Variants in VPS13B observed in about 807,000 individuals in gnomAD.
VPS13B encodes vacuolar protein sorting 13 homolog B.
A neutral mutation model predicts 426.4 loss-of-function variants in VPS13B; 285 were observed. The ratio of observed to expected loss-of-function variants is 0.67; its 90% CI spans 0.61 to 0.74. VPS13B has a LOEUF of 0.74. VPS13B is among the 30% of genes least tolerant of loss of function. The pLI, the probability that VPS13B is intolerant of heterozygous loss-of-function variation, is 0.00. For synonymous variants in VPS13B, 1,676 were observed against 1,676.4 expected (o/e 1.00, Z 0.01); for missense variants, 4,537 against 4,782.6 (o/e 0.95, Z 1.51).
At chr8:99,056,748 T>G (rs1170667833) in intron 3 of VPS13B, among the ~76,000 whole-genome samples, 6 of 152,164 alleles carry the variant, frequency 3.9e-5, no homozygotes. Context: ...AGGGTCATCC[T>G]TAGTTTTGGT....
rs137873654 is a variant in VPS13B, at chr8:99,205,892, ATAGAG to A, written c.2515+12838_2515+12842del. On this transcript the variant is annotated intron_variant, in intron 17 of 61. Coordinates refer to ENST00000357162, the MANE Select transcript of VPS13B (RefSeq NM_152564.5). ...CTATCTCTGGTAAATGAGATCAGAA[ATAGAG>A]TAAAGTGTGTTACTTCATTAGAAAA... Among the ~76,000 whole-genome samples, 466 of 152,372 alleles carry A rather than the reference ATAGAG, an allele frequency of 3.1e-3. 18 individuals are homozygous for A. The East Asian group carries it at 0.074, about 24-fold the overall frequency.
intron 8 of VPS13B, 72 bp from the exon 9 acceptor site, chr8:99,134,556 CAATT>C (rs1588074816): frequency 8.2e-7 from 1 of 1,223,608 alleles, no homozygotes; most frequent in East Asian, 2.5e-5. Flanking sequence ...TTGTTTTAAT[CAATT>C]AATCATCATA....
chr8:99,033,135 G>A (rs1407767775), intron 2 of VPS13B, among the ~76,000 whole-genome samples: 6 of 152,076 alleles, frequency 3.9e-5, no homozygotes, highest in African/African-American at 9.7e-5. Context: ...TACCTGTATC[G>A]TTTTGTTGTG....
chr8:99,871,434 C>G lies in VPS13B; in HGVS notation c.11496-14C>G. Reference sequence around the variant, plus strand: ...ACAGCTGGCCCCTGGCCTCACTTTTCTCCTTTTAAACAGGAAAATGCTTCA... The same window carrying G: ...ACAGCTGGCCCCTGGCCTCACTTTTGTCCTTTTAAACAGGAAAATGCTTCA... On this transcript the variant is annotated splice_polypyrimidine_tract_variant and intron_variant, in intron 60 of 61. Coordinates refer to ENST00000357162, the MANE Select transcript of VPS13B (RefSeq NM_152564.5). The G allele has an allele frequency of 1.2e-6, 2 of 1,614,124 alleles. No homozygotes were observed. The highest frequency in any genetic ancestry group is 1.7e-6 in the Non-Finnish European group (2 of 1,180,032).
intron 17 of VPS13B, chr8:99,233,471 G>T: frequency 7.4e-7 from 1 of 1,347,546 alleles, no homozygotes; most frequent in Non-Finnish European, 1.1e-6. Context: ...GCCTGGGTTG[G>T]GATGAAGAGA....
At chr8:99,382,617 T>C (rs1465197311) in intron 19 of VPS13B, among the ~76,000 whole-genome samples, 1 of 152,192 alleles carries the variant, frequency 6.6e-6, no homozygotes, top group Non-Finnish European at 1.5e-5. Flanking sequence ...GGCTCTCAAC[T>C]TGACAGTTGT....
chr8:99,550,673 C>G (rs1824234320), intron 30 of VPS13B, among the ~76,000 whole-genome samples: 1 of 151,560 alleles, frequency 6.6e-6, no homozygotes, highest in Non-Finnish European at 1.5e-5. Context: ...TTTTTATTTG[C>G]TAAAACTAGT....
chr8:99,473,679 G>T (rs1188897345), intron 24 of VPS13B, among the ~76,000 whole-genome samples: 1 of 151,902 alleles, frequency 6.6e-6, no homozygotes, highest in Non-Finnish European at 1.5e-5. Flanking sequence ...AAACCAAGAA[G>T]AATTAATAAA....
At chr8:99,280,441 A>G (rs1375902791) in intron 19 of VPS13B, among the ~76,000 whole-genome samples, 1 of 152,206 alleles carries the variant, frequency 6.6e-6, no homozygotes, top group Non-Finnish European at 1.5e-5. Flanking sequence ...TGAGGGCAGA[A>G]TTAATCACTG....
intron 31 of VPS13B, among the ~76,000 whole-genome samples, chr8:99,573,974 G>A (rs183595526): frequency 2.4e-4 from 37 of 151,974 alleles, no homozygotes; most frequent in African/African-American, 3.6e-4. Context: ...CTTTTCTTTC[G>A]TTGAGCAGTG....
At chr8:99,533,500 T>G (rs1285022783) in intron 30 of VPS13B, among the ~76,000 whole-genome samples, 3 of 152,210 alleles carry the variant, frequency 2.0e-5, no homozygotes, top group South Asian at 4.1e-4. Flanking sequence ...GTTCCCAATA[T>G]GAAGTAACAT....
chr8:99,459,873 T>C lies in VPS13B; in HGVS notation c.3446-7541T>C, dbSNP rs1818735468. On this transcript the variant is annotated intron_variant, in intron 23 of 61. Coordinates refer to ENST00000357162, the MANE Select transcript of VPS13B (RefSeq NM_152564.5). ...TATTATGCAATATCTGTCTCTGTAATATTTCTTGTCTTAAATCAGTTTTTA... is the reference window on the plus strand; with the variant it reads ...TATTATGCAATATCTGTCTCTGTAACATTTCTTGTCTTAAATCAGTTTTTA... 2.0e-5 allele frequency among the ~76,000 whole-genome samples: 3 copies of C among 152,198 alleles called. No homozygotes were observed. The South Asian group carries it at 6.2e-4, about 31-fold the overall frequency.
At chr8:99,289,507 A>G (rs2133041424) in intron 19 of VPS13B, among the ~76,000 whole-genome samples, 1 of 152,254 alleles carries the variant, frequency 6.6e-6, no homozygotes, top group South Asian at 2.1e-4. Flanking sequence ...AGAACTAGAA[A>G]GAACATTTCC....
rs1827827323 is a variant in VPS13B, at chr8:99,611,026, T to C, written c.5221-30785T>C. On this transcript the variant is annotated intron_variant, in intron 33 of 61. Transcript: ENST00000357162. ...AGAAAAACTGTTAGATTTGAGAAAT[T>C]GGATATGAATTATGCTGACATTCTA... Among the ~76,000 whole-genome samples, 3 of 152,230 alleles carry C rather than the reference T, an allele frequency of 2.0e-5. No homozygotes were observed. In the South Asian group the frequency reaches 6.2e-4, roughly 31 times the overall value.
intron 17 of VPS13B, among the ~76,000 whole-genome samples, chr8:99,229,150 G>C (rs952749185): frequency 4.6e-5 from 7 of 152,184 alleles, no homozygotes; most frequent in African/African-American, 1.7e-4. Context: ...TGAAAAAAAG[G>C]GTCGGGAACA....
In VPS13B at chr8:99,302,303, GT is replaced by G. The variant is rs547490704; in HGVS notation, c.2824+27053del. On this transcript the variant is annotated intron_variant, in intron 19 of 61. Transcript: ENST00000357162. ...TTTCTCAACTTATGATGTGTGTTTT[GT>G]TTTAATAAATCTACTGTAAGTTGGA... Among the ~76,000 whole-genome samples, 17 of 152,208 alleles carry G rather than the reference GT, an allele frequency of 1.1e-4. 1 individual carries two copies. The South Asian group carries it at 3.5e-3, about 32-fold the overall frequency.
chr8:99,124,752 G>T (rs1444203374), intron 8 of VPS13B, among the ~76,000 whole-genome samples: 1 of 151,602 alleles, frequency 6.6e-6, no homozygotes, highest in Admixed American at 6.6e-5. Context: ...TGTGGTGGTG[G>T]GTACCTGTAA....
intron 43 of VPS13B, among the ~76,000 whole-genome samples, chr8:99,792,788 G>A (rs969711436): frequency 3.3e-5 from 5 of 152,172 alleles, no homozygotes; most frequent in Non-Finnish European, 7.4e-5. Flanking sequence ...GGAGTCTTAT[G>A]AACCCTAAAC....
In VPS13B at chr8:99,662,440, T is replaced by TTTTA. The variant is rs144832781; in HGVS notation, c.6046+969_6046+972dup. Among the ~76,000 whole-genome samples, 584 of 151,418 alleles carry TTTTA rather than the reference T, an allele frequency of 3.9e-3. 6 individuals are homozygous for TTTTA. The highest frequency in any genetic ancestry group is 0.013 in the African/African-American group (518 of 41,376). ...TTTCTTCCTTAAGAATTTTATTTAATTTTATTTATTTATTTATTTATTTTT... is the reference window on the plus strand; with the variant it reads ...TTTCTTCCTTAAGAATTTTATTTAATTTTATTTATTTATTTATTTATTTATTTTT... On this transcript the variant is annotated intron_variant, in intron 35 of 61. Coordinates refer to ENST00000357162, the MANE Select transcript of VPS13B (RefSeq NM_152564.5).
Sources: gnomAD v4.1 joint callset for allele counts (sites outside exome capture counted in the v4.1 genomes callset) on GRCh38, gnomAD v4.1.1 for gene constraint, MANE v1.5 for transcripts, NCBI Gene and HGNC (gene_info 2026-07-23, HGNC 2026-07-21) for gene names.